CSMD1: variants seen among roughly 807,000 people sequenced by gnomAD.
The protein encoded by CSMD1 is CUB and Sushi multiple domains 1.
In CSMD1, 213 loss-of-function variants were observed where a neutral mutation model predicts 417.5. That is an observed-to-expected ratio of 0.51 (90% CI 0.46 to 0.57). CSMD1 has a LOEUF of 0.57. Ranked by LOEUF, CSMD1 falls within the 20% of genes least tolerant of loss-of-function variation. The pLI, the probability that CSMD1 is intolerant of heterozygous loss-of-function variation, is 0.00. For missense variants in CSMD1, 6,923 were observed against 4,529.7 expected, an observed-to-expected ratio of 1.53 and a Z score of -15.17; for synonymous variants, 2,862 against 1,736.8, an observed-to-expected ratio of 1.65 and a Z score of -16.11.
intron 6 of CSMD1, among the ~76,000 whole-genome samples, chr8:3,709,374 G>A (rs1172035495): frequency 6.6e-6 from 1 of 152,124 alleles, no homozygotes; most frequent in East Asian, 1.9e-4. Flanking sequence ...CATGACCTAG[G>A]TAAGTTACTT....
chr8:3,452,768 C>T (rs975090123), intron 12 of CSMD1, among the ~76,000 whole-genome samples: 1 of 152,106 alleles, frequency 6.6e-6, no homozygotes, highest in Non-Finnish European at 1.5e-5. Context: ...GGATATTGGT[C>T]TAAAATTCTC....
chr8:3,085,574 G>C (rs1814466206), intron 49 of CSMD1, among the ~76,000 whole-genome samples: 2 of 152,190 alleles, frequency 1.3e-5, no homozygotes, highest in Non-Finnish European at 2.9e-5. Context: ...CTTGGCCACA[G>C]CTGTAAAGAT....
rs749530645 is a variant in CSMD1, at chr8:4,158,233, G to A, written c.416-126134C>T. The stretch of plus-strand genomic sequence containing the variant: ...ATTTTGGCACCATTGATGCTAGGAC[G>A]GAGGATCATGCCCCCATGCCAGCTC... On this transcript the variant is annotated intron_variant, in intron 3 of 69. Transcript: ENST00000635120. Among the ~76,000 whole-genome samples, 6 of 151,822 alleles carry A rather than the reference G, an allele frequency of 4.0e-5. No homozygotes were observed. The East Asian group carries it at 7.8e-4, about 20-fold the overall frequency.
At chr8:3,642,622 G>A (rs1376588597) in intron 7 of CSMD1, among the ~76,000 whole-genome samples, 2 of 152,176 alleles carry the variant, frequency 1.3e-5, no homozygotes, top group Non-Finnish European at 2.9e-5. Flanking sequence ...GGCATCGTGA[G>A]TGGAAGTAGG....
At chr8:4,255,009 A>G (rs142499579) in intron 3 of CSMD1, among the ~76,000 whole-genome samples, 2 of 152,294 alleles carry the variant, frequency 1.3e-5, no homozygotes, top group East Asian at 1.9e-4. Context: ...ACTCAGAGTT[A>G]TTTTCATCCA....
intron 5 of CSMD1, among the ~76,000 whole-genome samples, chr8:3,814,498 A>G (rs1460182250): frequency 6.6e-6 from 1 of 152,180 alleles, no homozygotes; most frequent in Non-Finnish European, 1.5e-5. Context: ...GGCCGAATTC[A>G]TCCTCCCTTC....
intron 6 of CSMD1, among the ~76,000 whole-genome samples, chr8:3,720,205 G>A (rs1438922254): frequency 2.0e-5 from 3 of 152,132 alleles, no homozygotes; most frequent in African/African-American, 4.8e-5. Flanking sequence ...CAAGTAAGAC[G>A]TCCATGGAGT....
At chr8:4,913,495 T>C (rs1805840323) in intron 1 of CSMD1, among the ~76,000 whole-genome samples, 2 of 152,152 alleles carry the variant, frequency 1.3e-5, no homozygotes, top group African/African-American at 2.4e-5. Flanking sequence ...GAATGAAAAC[T>C]ACCCCCATAT....
intron 2 of CSMD1, among the ~76,000 whole-genome samples, chr8:4,531,780 A>G (rs548331859): frequency 2.0e-5 from 3 of 152,322 alleles, no homozygotes; most frequent in Admixed American, 6.5e-5. Context: ...GCTTTTTAGT[A>G]TATGTGCAGA....
chr8:4,861,493 G>A (rs1398593483), intron 1 of CSMD1, among the ~76,000 whole-genome samples: 3 of 152,112 alleles, frequency 2.0e-5, no homozygotes, highest in Non-Finnish European at 4.4e-5. Flanking sequence ...TTTGTATGAT[G>A]TGTCTGCGAT....
chr8:3,956,081 C>A (rs1179282182), intron 5 of CSMD1, among the ~76,000 whole-genome samples: 2 of 152,208 alleles, frequency 1.3e-5, no homozygotes, highest in African/African-American at 4.8e-5. Context: ...TTGGCATTAG[C>A]CACCGTGCTC....
intron 68 of CSMD1, among the ~76,000 whole-genome samples, chr8:2,948,826 C>T (rs1802426913): frequency 6.6e-6 from 1 of 152,038 alleles, no homozygotes; most frequent in South Asian, 2.1e-4. Flanking sequence ...GCATCTTTTC[C>T]TGCTATCAAC....
At chr8:3,056,302 T>C (rs1812214235) in intron 49 of CSMD1, among the ~76,000 whole-genome samples, 1 of 152,192 alleles carries the variant, frequency 6.6e-6, no homozygotes, top group Non-Finnish European at 1.5e-5. Flanking sequence ...GATTTCTTCT[T>C]TGGATATCTA....
intron 41 of CSMD1, among the ~76,000 whole-genome samples, chr8:3,126,309 A>G (rs1020083298): frequency 6.6e-6 from 1 of 152,204 alleles, no homozygotes; most frequent in Non-Finnish European, 1.5e-5. Context: ...CTTTGATAAA[A>G]TATTTCTCAT....
chr8:2,960,887 T>C (rs151196416), intron 62 of CSMD1, among the ~76,000 whole-genome samples: 145 of 149,644 alleles, frequency 9.7e-4, no homozygotes, highest in African/African-American at 3.4e-3. Flanking sequence ...ATAGTTGCTA[T>C]GTTAATTTCT....
chr8:3,101,801 T>G, intron 46 of CSMD1, among the ~76,000 whole-genome samples: 2 of 14,280 alleles, frequency 1.4e-4, no homozygotes, highest in South Asian at 0.017. Context: ...TTCTTTTTCT[T>G]TTTTTTTTTT....
chr8:3,016,760 T>G (rs919619609), intron 52 of CSMD1, among the ~76,000 whole-genome samples: 2 of 152,366 alleles, frequency 1.3e-5, no homozygotes, highest in Non-Finnish European at 2.9e-5. Context: ...TTCTTCTTCC[T>G]TATTTTCCTC....
intron 5 of CSMD1, among the ~76,000 whole-genome samples, chr8:3,945,165 A>C (rs1269846069): frequency 8.7e-6 from 1 of 114,644 alleles, no homozygotes. Context: ...CAATAATTTG[A>C]CCATGAGAAA....
At chr8:4,912,207 C>A (rs1396385204) in intron 1 of CSMD1, among the ~76,000 whole-genome samples, 1 of 149,622 alleles carries the variant, frequency 6.7e-6, no homozygotes, top group African/African-American at 2.5e-5. Context: ...AGTCCTCTTA[C>A]TGAGCTAGGT....
Sources: gnomAD v4.1 joint callset for allele counts (sites outside exome capture counted in the v4.1 genomes callset) on GRCh38, gnomAD v4.1.1 for gene constraint, MANE v1.5 for transcripts, NCBI Gene and HGNC (gene_info 2026-07-23, HGNC 2026-07-21) for gene names.